ENTREP2: variants seen among roughly 807,000 people sequenced by gnomAD.
ENTREP2 encodes the protein endosomal transmembrane epsin interactor 2, also known as protein ENTREP2.
the ENTREP2 span, among the ~76,000 whole-genome samples, chr15:29,430,821 C>T: frequency 6.6e-6 from 1 of 152,100 alleles, no homozygotes; most frequent in East Asian, 1.9e-4. Context: ...GGGCCAATGA[C>T]CACTCTGAGT....
At chr15:29,124,050 G>A in the ENTREP2 span, among the ~76,000 whole-genome samples, 2 of 152,096 alleles carry the variant, frequency 1.3e-5, no homozygotes, top group Non-Finnish European at 2.9e-5. Flanking sequence ...TCTGCCTTAA[G>A]ACCAGAACTG....
chr15:29,494,203 G>A, the ENTREP2 span, among the ~76,000 whole-genome samples: 2 of 147,630 alleles, frequency 1.4e-5, no homozygotes, highest in African/African-American at 2.5e-5. Context: ...AAGACTATAG[G>A]AAAAAAAAAA....
chr15:29,572,094 T>C, the ENTREP2 span, among the ~76,000 whole-genome samples: 1 of 152,230 alleles, frequency 6.6e-6, no homozygotes, highest in Non-Finnish European at 1.5e-5. Flanking sequence ...GACGATCCTC[T>C]ATTAAAATGC....
chr15:29,173,536 G>A, the ENTREP2 span, among the ~76,000 whole-genome samples: 2 of 152,130 alleles, frequency 1.3e-5, no homozygotes, highest in African/African-American at 4.8e-5. Flanking sequence ...GGTGAACCCC[G>A]GGGCACTTGG....
the ENTREP2 span, among the ~76,000 whole-genome samples, chr15:29,236,906 AG>A: frequency 1.3e-5 from 2 of 151,786 alleles, no homozygotes. Context: ...GAAGGAAAGA[AG>A]GGAGGAAAAA....
the ENTREP2 span, among the ~76,000 whole-genome samples, chr15:29,444,905 G>A: frequency 6.6e-6 from 1 of 152,218 alleles, no homozygotes; most frequent in Non-Finnish European, 1.5e-5. Flanking sequence ...CCTGGCTCTA[G>A]AAAAGGGAGG....
At chr15:29,554,067 C>T in the ENTREP2 span, among the ~76,000 whole-genome samples, 2 of 152,192 alleles carry the variant, frequency 1.3e-5, no homozygotes, top group East Asian at 1.9e-4. Context: ...GTGATCCCAG[C>T]ACTTTGGGAG....
the ENTREP2 span, among the ~76,000 whole-genome samples, chr15:29,286,938 A>C: frequency 6.6e-6 from 1 of 152,300 alleles, no homozygotes. Context: ...GAAGTTCCAG[A>C]GACTAAATCT....
chr15:29,287,459 G>A, the ENTREP2 span, among the ~76,000 whole-genome samples: 1 of 150,072 alleles, frequency 6.7e-6, no homozygotes, highest in African/African-American at 2.5e-5. Context: ...GTTGTTTTAA[G>A]CCATTACCTT....
At chr15:29,579,786 CTGCAAG>C in the ENTREP2 span, among the ~76,000 whole-genome samples, 3 of 145,144 alleles carry the variant, frequency 2.1e-5, no homozygotes, top group African/African-American at 7.8e-5. Context: ...TCTCGGCTCA[CTGCAAG>C]GTCCACGTTC....
At chr15:29,419,283 T>C in the ENTREP2 span, among the ~76,000 whole-genome samples, 10 of 152,196 alleles carry the variant, frequency 6.6e-5, no homozygotes, top group Non-Finnish European at 1.0e-4. Flanking sequence ...CAGATAACTA[T>C]AATTGGTAAA....
chr15:29,348,219 C>T, the ENTREP2 span, among the ~76,000 whole-genome samples: 2 of 152,004 alleles, frequency 1.3e-5, no homozygotes, highest in South Asian at 2.1e-4. Context: ...TTTGGGCATG[C>T]GGCAGTGAAT....
the ENTREP2 span, among the ~76,000 whole-genome samples, chr15:29,639,691 T>TA: frequency 2.0e-5 from 3 of 150,910 alleles, no homozygotes; most frequent in South Asian, 4.2e-4. Flanking sequence ...TAAGAAGAAT[T>TA]AGAGAGGAAT....
At chr15:29,378,990 A>C in the ENTREP2 span, among the ~76,000 whole-genome samples, 1 of 152,174 alleles carries the variant, frequency 6.6e-6, no homozygotes, top group African/African-American at 2.4e-5. Context: ...TTGCTAATGA[A>C]CCAAAAGATT....
At chr15:29,362,356 T>G in the ENTREP2 span, among the ~76,000 whole-genome samples, 12 of 151,636 alleles carry the variant, frequency 7.9e-5, no homozygotes, top group East Asian at 9.7e-4. Flanking sequence ...TTTGTCTACC[T>G]TGTTTTTAAT....
chr15:29,440,829 C>T, the ENTREP2 span, among the ~76,000 whole-genome samples: 1 of 152,146 alleles, frequency 6.6e-6, no homozygotes, highest in Admixed American at 6.5e-5. Flanking sequence ...CCCTCCCCTG[C>T]CTCCACTCTG....
chr15:29,493,125 C>CTTTTTTTTTTTTTTTT, the ENTREP2 span, among the ~76,000 whole-genome samples: 1 of 84,774 alleles, frequency 1.2e-5, no homozygotes, highest in Admixed American at 1.3e-4. Flanking sequence ...CCTGACAACC[C>CTTTTTTTTTTTTTTTT]TTTTTTTTTT....
the ENTREP2 span, among the ~76,000 whole-genome samples, chr15:29,661,976 C>T: frequency 1.3e-5 from 2 of 151,882 alleles, no homozygotes; most frequent in South Asian, 4.1e-4. Flanking sequence ...TTTGGGAGGC[C>T]GAGGCAGGCA....
the ENTREP2 span, among the ~76,000 whole-genome samples, chr15:29,129,754 T>C: frequency 7.2e-5 from 11 of 152,188 alleles, no homozygotes; most frequent in Admixed American, 7.2e-4. Flanking sequence ...ATTTTGCCCA[T>C]TCTGCGTGGG....
Sources: gnomAD v4.1 joint callset for allele counts (sites outside exome capture counted in the v4.1 genomes callset) on GRCh38, gnomAD v4.1.1 for gene constraint, MANE v1.5 for transcripts, NCBI Gene and HGNC (gene_info 2026-07-23, HGNC 2026-07-21) for gene names.